CCDC144A: variants seen among roughly 807,000 people sequenced by gnomAD.
CCDC144A encodes the protein coiled-coil domain-containing protein 144A.
CCDC144A carries 41 observed loss-of-function variants against 143.8 expected under a neutral mutation model. The ratio of observed to expected loss-of-function variants is 0.29; its 90% CI spans 0.22 to 0.37. The LOEUF is 0.37. CCDC144A is among the 10% of genes least tolerant of loss of function. The pLI is 1.00. For synonymous variants in CCDC144A, 242 were observed against 517.9 expected (o/e 0.47, Z 7.23); for missense variants, 637 against 1,488.8 (o/e 0.43, Z 9.41).
chr17:16,724,063 C>T (rs1335935827), intron 8 of CCDC144A, among the ~76,000 whole-genome samples: 1 of 151,642 alleles, frequency 6.6e-6, no homozygotes, highest in Non-Finnish European at 1.5e-5. Context: ...GTTCAAAATA[C>T]TCTCTAATTT....
At position 16,775,616 on chromosome 17, in the gene CCDC144A, T is replaced by C. The variant is rs1738793517; in HGVS notation, c.*1983T>C. On this transcript the variant is annotated 3_prime_UTR_variant, in exon 17 of 17. Transcript: ENST00000399273. The stretch of plus-strand genomic sequence containing the variant: ...TGCTGGATATTAGACCTTTGTCAGA[T>C]GGATAGAGTGCAAAAATTTTCTCCC... 6.6e-6 allele frequency: 1 copy of C among 152,260 alleles called. No homozygotes were observed. Among genetic ancestry groups the C allele is most frequent in the Admixed American group, 6.5e-5 (1 of 15,290 alleles). The allele number at this position is 152,260 out of a possible 1,614,324, so 9.4% of individuals were successfully genotyped here.
chr17:16,746,227 C>T, intron 12 of CCDC144A: 11 of 1,320,028 alleles, frequency 8.3e-6, no homozygotes, highest in East Asian at 2.5e-5. Context: ...TTAATCCTTA[C>T]TTCTTTCTCT....
At chr17:16,698,191 C>A (rs2621637) in intron 2 of CCDC144A, among the ~76,000 whole-genome samples, 4 of 152,122 alleles carry the variant, frequency 2.6e-5, no homozygotes, top group East Asian at 3.8e-4. Context: ...GAACCCTGGG[C>A]ATATCAGCAT....
chr17:16,774,897 T>G lies in CCDC144A; in HGVS notation c.*1264T>G, dbSNP rs1371658641. Reference sequence around the variant, plus strand: ...CCATCCCACATGCCCCTGTGTGTGTTGTTCCCCGCCATGTGTCCATGTGTT... The same window carrying G: ...CCATCCCACATGCCCCTGTGTGTGTGGTTCCCCGCCATGTGTCCATGTGTT... On this transcript the variant is annotated 3_prime_UTR_variant, in exon 17 of 17. Coordinates refer to ENST00000399273, the MANE Select transcript of CCDC144A (RefSeq NM_001382000.1). 2 of 146,154 alleles carry G rather than the reference T, an allele frequency of 1.4e-5. No individual in the cohort carries two copies. The highest frequency in any genetic ancestry group is 3.0e-5 in the Non-Finnish European group (2 of 67,794). 9.1% of individuals were successfully genotyped at this position (146,154 alleles called of 1,614,324 possible). A position where few individuals can be genotyped will look rare whatever the true frequency, so the allele number is the denominator to read the frequency against.
chr17:16,731,480 A>G (rs1165913893), intron 9 of CCDC144A: 3 of 194,920 alleles, frequency 1.5e-5, no homozygotes, highest in African/African-American at 4.8e-5. Flanking sequence ...TTCAACTTGC[A>G]TAACGTGAAA....
intron 5 of CCDC144A, 93 bp downstream of exon 5, chr17:16,709,728 C>G: frequency 6.8e-7 from 1 of 1,469,786 alleles, no homozygotes; most frequent in South Asian, 1.4e-5. Flanking sequence ...GAAAAGCATA[C>G]AGTTTGGTTG....
At chr17:16,691,465 T>C (rs1022532540) in intron 1 of CCDC144A, among the ~76,000 whole-genome samples, 1 of 151,870 alleles carries the variant, frequency 6.6e-6, no homozygotes, top group South Asian at 2.1e-4. Context: ...TATCCATGTA[T>C]AAAATGAGAG....
intron 11 of CCDC144A, among the ~76,000 whole-genome samples, chr17:16,733,990 A>G (rs1913875487): frequency 1.3e-5 from 2 of 152,030 alleles, no homozygotes; most frequent in Admixed American, 1.3e-4. Context: ...GTACAAATAC[A>G]TTTAGCTGCG....
chr17:16,675,268 T>TG, the CCDC144A span, among the ~76,000 whole-genome samples: 2 of 135,640 alleles, frequency 1.5e-5, no homozygotes, highest in Admixed American at 1.5e-4. Context: ...GACTCCATCT[T>TG]GAAAAAAAAA....
At chr17:16,697,945 G>A (rs1311067010) in intron 2 of CCDC144A, among the ~76,000 whole-genome samples, 1 of 152,178 alleles carries the variant, frequency 6.6e-6, no homozygotes, top group Non-Finnish European at 1.5e-5. Flanking sequence ...CAGTTTTCAG[G>A]TGTATAGAGG....
chr17:16,675,599 T>C, the CCDC144A span, among the ~76,000 whole-genome samples: 2 of 152,068 alleles, frequency 1.3e-5, no homozygotes, highest in Non-Finnish European at 2.9e-5. Context: ...AGTCTAAATG[T>C]ATACTCAAAG....
rs529492588 is a variant in CCDC144A, at chr17:16,748,809, A to G, written c.3373-12616A>G. On this transcript the variant is annotated intron_variant, in intron 12 of 16. Transcript: ENST00000399273. The stretch of plus-strand genomic sequence containing the variant: ...ATGATTTCAATTTCCTCGTGGTTCA[A>G]TCTTTGTTGGTTTCCAAGGATTTAT... Among the ~76,000 whole-genome samples, 7 of 152,004 alleles carry G rather than the reference A, an allele frequency of 4.6e-5. No homozygotes were observed. The East Asian group carries it at 1.2e-3, about 25-fold the overall frequency.
intron 15 of CCDC144A, among the ~76,000 whole-genome samples, chr17:16,768,625 C>A (rs975145117): frequency 3.3e-5 from 5 of 152,236 alleles, no homozygotes; most frequent in African/African-American, 1.2e-4. Context: ...ACCCTGGGAT[C>A]CTTTGTCCTA....
chr17:16,672,148 G>A, the CCDC144A span, among the ~76,000 whole-genome samples: 1 of 152,050 alleles, frequency 6.6e-6, no homozygotes, highest in Non-Finnish European at 1.5e-5. Context: ...CCTCCTATCA[G>A]AATTTACTGG....
chr17:16,759,166 G>A (rs1310672754), intron 12 of CCDC144A, among the ~76,000 whole-genome samples: 1 of 152,074 alleles, frequency 6.6e-6, no homozygotes, highest in East Asian at 1.9e-4. Context: ...AGATTAGGAT[G>A]GGTTTATGTC....
chr17:16,734,515 C>T (rs555134612), intron 11 of CCDC144A, among the ~76,000 whole-genome samples, 175 bp from the exon 12 acceptor site: 7 of 152,040 alleles, frequency 4.6e-5, no homozygotes, highest in African/African-American at 1.7e-4. Context: ...TTCAAATAAA[C>T]TTATGAAGTT....
intron 6 of CCDC144A, among the ~76,000 whole-genome samples, chr17:16,716,480 CT>C (rs1489382279): frequency 2.6e-5 from 4 of 151,814 alleles, no homozygotes; most frequent in African/African-American, 9.7e-5. Flanking sequence ...GCAAATCCAG[CT>C]TTTTATATTA....
At chr17:16,765,842 A>G (rs1467036192) in intron 15 of CCDC144A, 1 of 152,292 alleles carries the variant, frequency 6.6e-6, no homozygotes, top group African/African-American at 2.4e-5. Context: ...ACCACTGGGT[A>G]CTAATGGGAA....
chr17:16,734,731 A>G lies in CCDC144A; in HGVS notation c.2460A>G (p.Glu820=). 6.3e-7 allele frequency: 1 copy of G among 1,594,658 alleles called. No individual in the cohort carries two copies. Among genetic ancestry groups the G allele is most frequent in the Non-Finnish European group, 8.5e-7 (1 of 1,172,704 alleles). ...RHQKEKDLFH[E]DCMLQEEIAL... Reference sequence around the variant, plus strand: ...AGAAAGAAAAGGATCTCTTTCATGAAGATTGCATGTTGCAGGAAGAAATTG... The same window carrying G: ...AGAAAGAAAAGGATCTCTTTCATGAGGATTGCATGTTGCAGGAAGAAATTG... The change falls in exon 12 of 17, where the codon GAA becomes GAG. Residue 820 remains glutamate (E), a synonymous_variant. Coordinates refer to ENST00000399273, the MANE Select transcript of CCDC144A (RefSeq NM_001382000.1).
Sources: gnomAD v4.1 joint callset for allele counts (sites outside exome capture counted in the v4.1 genomes callset) on GRCh38, gnomAD v4.1.1 for gene constraint, MANE v1.5 for transcripts, NCBI Gene and HGNC (gene_info 2026-07-23, HGNC 2026-07-21) for gene names.